The following FBN1 variants were observed in gnomAD, a reference collection of about 807,000 sequenced individuals.
FBN1 encodes the protein fibrillin-1.
Under a neutral mutation model 365.1 loss-of-function variants are expected in FBN1, and 29 were observed. The observed-to-expected ratio is 0.08, with a 90% confidence interval of 0.06 to 0.11. FBN1 has a LOEUF of 0.11. FBN1 is among the 10% of genes least tolerant of loss of function. The pLI, the probability that FBN1 is intolerant of heterozygous loss-of-function variation, is 1.00. For missense variants in FBN1, 2,476 were observed against 3,703.2 expected (o/e 0.67, Z 8.60); for synonymous variants, 1,210 against 1,270.5 (o/e 0.95, Z 1.01).
chr15:48,632,320 A>C (rs1372098233), intron 2 of FBN1, among the ~76,000 whole-genome samples: 1 of 152,234 alleles, frequency 6.6e-6, no homozygotes, highest in Non-Finnish European at 1.5e-5. Context: ...GCCATAAAAA[A>C]CAGCCTCTTT....
At chr15:48,630,741 A>AAG in intron 2 of FBN1, among the ~76,000 whole-genome samples, 1 of 150,660 alleles carries the variant, frequency 6.6e-6, no homozygotes, top group East Asian at 1.9e-4. Context: ...CAAAAAAAAA[A>AAG]AAAAAAAAAG....
At chr15:48,528,253 A>G (rs917723103) in intron 8 of FBN1, among the ~76,000 whole-genome samples, 2 of 152,222 alleles carry the variant, frequency 1.3e-5, no homozygotes, top group Admixed American at 6.5e-5. Context: ...TGTCAGAAAA[A>G]TTTGTTTAAA....
intron 54 of FBN1, among the ~76,000 whole-genome samples, chr15:48,434,033 G>A (rs901821725): frequency 1.3e-5 from 2 of 152,080 alleles, no homozygotes; most frequent in African/African-American, 2.4e-5. Flanking sequence ...GCTGCTCCTG[G>A]GAACCACCCT....
At chr15:48,509,755 A>C (rs1018166517) in intron 14 of FBN1, among the ~76,000 whole-genome samples, 2 of 152,006 alleles carry the variant, frequency 1.3e-5, no homozygotes, top group Non-Finnish European at 2.9e-5. Flanking sequence ...TAAAAAATGT[A>C]CAAATTCTGA....
rs368754312 is a variant in FBN1, at chr15:48,521,543, A to C, written c.989-726T>G. The stretch of plus-strand genomic sequence containing the variant: ...TTGGCAGAAAGTGTCTTCTCAAAGC[A>C]ACATGGTAAGACGCATTTCTATATC... On this transcript the variant is annotated intron_variant, in intron 9 of 65. Coordinates refer to ENST00000316623, the MANE Select transcript of FBN1 (RefSeq NM_000138.5). Among the ~76,000 whole-genome samples, 15 of 152,360 alleles carry C rather than the reference A, an allele frequency of 9.8e-5. No individual in the cohort carries two copies. In the East Asian group the frequency reaches 2.1e-3, roughly 22 times the overall value.
chr15:48,521,645 G>A (rs995611055), intron 9 of FBN1, among the ~76,000 whole-genome samples: 2 of 152,214 alleles, frequency 1.3e-5, no homozygotes, highest in African/African-American at 4.8e-5. Flanking sequence ...TACGGAAAGA[G>A]TTTGTGGCAT....
intron 55 of FBN1, among the ~76,000 whole-genome samples, chr15:48,431,365 T>C (rs1285953081): frequency 6.6e-6 from 1 of 151,934 alleles, no homozygotes. Context: ...CCTCCCAAAG[T>C]GCTGGGATTA....
intron 6 of FBN1, among the ~76,000 whole-genome samples, chr15:48,583,656 G>A (rs1417871801): frequency 6.6e-6 from 1 of 152,094 alleles, no homozygotes; most frequent in African/African-American, 2.4e-5. Flanking sequence ...TTTCCCTTCT[G>A]TACCTGTATG....
In FBN1 at chr15:48,481,636, T is replaced by A; in HGVS notation, c.3964+19A>T. 6.2e-7 allele frequency: 1 copy of A among 1,613,178 alleles called. No individual in the cohort carries two copies. Among genetic ancestry groups the A allele is most frequent in the African/African-American group, 1.3e-5 (1 of 75,002 alleles). ...TCTTAACTACTTAATATTTTATTGT[T>A]CTACTTGAACAAACACACCTGTACA... On this transcript the variant is annotated intron_variant, in intron 32 of 65. Coordinates refer to ENST00000316623, the MANE Select transcript of FBN1 (RefSeq NM_000138.5).
intron 6 of FBN1, among the ~76,000 whole-genome samples, chr15:48,585,208 G>A (rs187334053): frequency 1.3e-5 from 2 of 152,312 alleles, no homozygotes; most frequent in East Asian, 3.9e-4. Flanking sequence ...CCTCCTAGGA[G>A]AGGGCAGGCA....
intron 4 of FBN1, among the ~76,000 whole-genome samples, chr15:48,600,984 G>A (rs1230180492): frequency 6.6e-6 from 1 of 152,150 alleles, no homozygotes; most frequent in East Asian, 1.9e-4. Context: ...AGGCAGAATA[G>A]AGAAAAAAGA....
In FBN1 at chr15:48,421,689, A is replaced by G. The variant is rs767270081; in HGVS notation, c.7571-3T>C. Reference sequence around the variant, plus strand: ...GTCAGAGGTGCATTCATTGTTATCTATGAGAAGCAGTGGGGGCAAAGAGGG... The same window carrying G: ...GTCAGAGGTGCATTCATTGTTATCTGTGAGAAGCAGTGGGGGCAAAGAGGG... On this transcript the variant is annotated splice_region_variant and splice_polypyrimidine_tract_variant and intron_variant, in intron 61 of 65. Transcript: ENST00000316623. 2 of 1,613,464 alleles carry G rather than the reference A, an allele frequency of 1.2e-6. No homozygotes were observed. The highest frequency in any genetic ancestry group is 1.7e-6 in the Non-Finnish European group (2 of 1,179,816).
intron 6 of FBN1, among the ~76,000 whole-genome samples, chr15:48,566,252 G>C (rs2044257886): frequency 6.6e-6 from 1 of 152,086 alleles, no homozygotes; most frequent in Admixed American, 6.6e-5. Context: ...AAGCAACAGG[G>C]GAAAAAGTTT....
chr15:48,508,972 G>C (rs1292254521), intron 14 of FBN1, among the ~76,000 whole-genome samples: 1 of 152,186 alleles, frequency 6.6e-6, no homozygotes, highest in Non-Finnish European at 1.5e-5. Flanking sequence ...TGACTCCATA[G>C]AAGTTATCAG....
chr15:48,503,992 C>G (rs1180496999), intron 16 of FBN1, 53 bp from the exon 17 acceptor site: 1 of 1,606,322 alleles, frequency 6.2e-7, no homozygotes, highest in African/African-American at 1.3e-5. Flanking sequence ...CAGATGAGAA[C>G]CCCCCAAGTC....
intron 9 of FBN1, among the ~76,000 whole-genome samples, chr15:48,523,991 G>T (rs536940720): frequency 6.6e-6 from 1 of 152,276 alleles, no homozygotes; most frequent in East Asian, 1.9e-4. Context: ...GATTAAATAG[G>T]CGTTTGCAGG....
Position 48,527,826 on chromosome 15 carries a change from G to A in FBN1, c.863-1571C>T, listed in dbSNP as rs749797343. Among the ~76,000 whole-genome samples, 48 of 152,212 alleles carry A rather than the reference G, an allele frequency of 3.2e-4. 1 individual carries two copies. Among genetic ancestry groups the A allele is most frequent in the Admixed American group, 1.6e-3 (25 of 15,284 alleles). ...AACAGCACTGTCATTGCAAAATTATGTAACGGTAAAGGTGCATATTCTATT... is the reference window on the plus strand; with the variant it reads ...AACAGCACTGTCATTGCAAAATTATATAACGGTAAAGGTGCATATTCTATT... On this transcript the variant is annotated intron_variant, in intron 8 of 65. Transcript: ENST00000316623.
At chr15:48,604,215 G>A (rs535025048) in intron 4 of FBN1, among the ~76,000 whole-genome samples, 2 of 148,362 alleles carry the variant, frequency 1.3e-5, no homozygotes, top group African/African-American at 5.3e-5. Context: ...CATTAGGTTT[G>A]GAATGATTCT....
Position 48,409,082 on chromosome 15 carries a change from C to A in FBN1, c.*1908G>T, listed in dbSNP as rs1276603327. 6.6e-6 allele frequency: 1 copy of A among 152,170 alleles called. No homozygotes were observed. Among genetic ancestry groups the A allele is most frequent in the African/African-American group, 2.4e-5 (1 of 41,428 alleles). 9.4% of individuals were successfully genotyped at this position (152,170 alleles called of 1,614,324 possible). On this transcript the variant is annotated 3_prime_UTR_variant, in exon 66 of 66. Coordinates refer to ENST00000316623, the MANE Select transcript of FBN1 (RefSeq NM_000138.5). ...GCCATTCAGCTCATTCTGTTGAGCA[C>A]CTATTATAAACAAAATTAGAGATAC...
Sources: allele counts gnomAD v4.1 joint callset (sites outside exome capture counted in the v4.1 genomes callset), GRCh38; gene constraint gnomAD v4.1.1; transcripts MANE v1.5; gene names NCBI Gene and HGNC (gene_info 2026-07-23, HGNC 2026-07-21).